The following PCLO variants were observed in gnomAD, a reference collection of about 807,000 sequenced individuals.
PCLO encodes the protein protein piccolo.
A neutral mutation model predicts 427.5 loss-of-function variants in PCLO; 82 were observed. The ratio of observed to expected loss-of-function variants is 0.19; its 90% CI spans 0.16 to 0.23. The LOEUF is 0.23. Ranked by LOEUF, PCLO falls within the 10% of genes least tolerant of loss-of-function variation. The pLI, the probability that PCLO is intolerant of heterozygous loss-of-function variation, is 1.00. For missense variants in PCLO, 6,239 were observed against 6,115.9 expected, an observed-to-expected ratio of 1.02 and a Z score of -0.67; for synonymous variants, 2,357 against 2,155.4, an observed-to-expected ratio of 1.09 and a Z score of -2.59.
Position 82,916,357 on chromosome 7 carries a change from G to C in PCLO, c.11629C>G (p.Gln3877Glu). The C allele has an allele frequency of 6.2e-7, 1 of 1,613,712 alleles. No homozygotes were observed. Among genetic ancestry groups the C allele is most frequent in the Non-Finnish European group, 8.5e-7 (1 of 1,179,744 alleles). ...FIPPQTQTESQLVPPTSPYTQ... is the reference protein window; with the variant it reads ...FIPPQTQTESELVPPTSPYTQ... ...TAAGGACTTGTCGGAGGAACTAGTT[G>C]AGATTCTGTTTGGGTTTGTGGTGGT... The change falls in exon 7 of 25, where the codon CAA becomes GAA. Residue 3877 changes from glutamine to glutamate, a missense_variant. By Grantham distance (29) the Gln-to-Glu change is conservative (BLOSUM62 2). This residue lies in a region of PCLO where 680 missense variants were observed against 677.3 expected (regional missense o/e 1.00). Coordinates refer to ENST00000333891, the MANE Select transcript of PCLO (RefSeq NM_033026.6).
chr7:82,971,783 T>A (rs1012486242), intron 3 of PCLO, among the ~76,000 whole-genome samples: 1 of 150,292 alleles, frequency 6.7e-6, no homozygotes, highest in South Asian at 2.1e-4. Context: ...ATCTCTATTG[T>A]ATTACTGAGT....
At chr7:83,061,665 A>G (rs62458601) in intron 3 of PCLO, among the ~76,000 whole-genome samples, 18,672 of 152,110 alleles carry the variant, frequency 0.12, 1,427 homozygotes, top group Middle Eastern at 0.26. Flanking sequence ...TAGTATAGGT[A>G]AGTTTATTTC....
chr7:82,907,618 T>C (rs950027593), intron 8 of PCLO, among the ~76,000 whole-genome samples: 2 of 152,012 alleles, frequency 1.3e-5, no homozygotes, highest in Non-Finnish European at 2.9e-5. Context: ...CAATACAGGC[T>C]GATATGTTTA....
chr7:82,769,746 A>G (rs1790609288), intron 22 of PCLO, among the ~76,000 whole-genome samples: 1 of 152,184 alleles, frequency 6.6e-6, no homozygotes, highest in African/African-American at 2.4e-5. Context: ...TAAATACCAC[A>G]TAGCAATGAT....
intron 7 of PCLO, among the ~76,000 whole-genome samples, chr7:82,913,255 C>G (rs182331565): frequency 1.3e-5 from 2 of 152,032 alleles, no homozygotes; most frequent in Admixed American, 1.3e-4. Flanking sequence ...AGCAGTTTGT[C>G]CTCCTTCAGA....
intron 9 of PCLO, among the ~76,000 whole-genome samples, chr7:82,898,068 G>T (rs1349438868): frequency 2.0e-5 from 3 of 151,472 alleles, no homozygotes; most frequent in Non-Finnish European, 4.4e-5. Flanking sequence ...AAATTCATGA[G>T]AAGGGGAATG....
intron 3 of PCLO, among the ~76,000 whole-genome samples, chr7:82,973,098 T>A (rs1795941424): frequency 6.6e-6 from 1 of 152,018 alleles, no homozygotes; most frequent in African/African-American, 2.4e-5. Context: ...TGACACATTC[T>A]TTTTCCAGAC....
chr7:82,807,172 A>G (rs1791473128), intron 20 of PCLO, among the ~76,000 whole-genome samples: 1 of 103,702 alleles, frequency 9.6e-6, no homozygotes, highest in Non-Finnish European at 2.0e-5. Context: ...TCTCTTCTCA[A>G]GGTATCCCCA....
chr7:82,971,729 T>C (rs1031900919), intron 3 of PCLO, among the ~76,000 whole-genome samples: 1 of 147,938 alleles, frequency 6.8e-6, no homozygotes, highest in African/African-American at 2.5e-5. Context: ...CCACAATTAC[T>C]TTTGTACCAA....
chr7:82,954,192 T>G lies in PCLO; in HGVS notation c.6761A>C (p.Asp2254Ala), dbSNP rs529909914. 3.0e-5 allele frequency: 48 copies of G among 1,613,372 alleles called. 2 individuals are homozygous for G. In the South Asian group the frequency reaches 3.3e-4, roughly 11 times the overall value. Reference sequence around the variant, plus strand: ...AATATGATCAGCACTAGCTCTACCATCTGGTGGGGCAGTCCGATCTAAAGA... The same window carrying G: ...AATATGATCAGCACTAGCTCTACCAGCTGGTGGGGCAGTCCGATCTAAAGA... The part of the protein sequence containing the change: ...SVSLDRTAPP[D>A]GRASADHIVI... Residue 2254 changes from aspartate (D) to alanine (A), a missense_variant, in exon 5 of 25, where the codon GAT becomes GCT. Physicochemically the swap from Asp to Ala is moderately radical, Grantham distance 126 (BLOSUM62 -2). Around this residue, in one of 5 missense-constraint regions of PCLO, gnomAD observed 4,677 missense variants for 4,468.4 expected, o/e 1.05. Coordinates refer to ENST00000333891, the MANE Select transcript of PCLO (RefSeq NM_033026.6).
chr7:82,861,511 T>A (rs1305661460), intron 10 of PCLO, among the ~76,000 whole-genome samples: 1 of 152,030 alleles, frequency 6.6e-6, no homozygotes, highest in Non-Finnish European at 1.5e-5. Flanking sequence ...GAAATATTGT[T>A]AGAGCTAAAG....
chr7:82,977,075 G>A (rs1276804983), intron 3 of PCLO, among the ~76,000 whole-genome samples: 4 of 151,846 alleles, frequency 2.6e-5, no homozygotes, highest in African/African-American at 4.8e-5. Context: ...AATTTTTAAA[G>A]GAGTGTATAT....
At chr7:82,837,553 A>G (rs1792260737) in intron 15 of PCLO, among the ~76,000 whole-genome samples, 1 of 152,010 alleles carries the variant, frequency 6.6e-6, no homozygotes, top group Non-Finnish European at 1.5e-5. Flanking sequence ...ATCCTTGAGT[A>G]CTGACTTATA....
At chr7:83,157,590 TTTC>T (rs1197048582) in intron 1 of PCLO, among the ~76,000 whole-genome samples, 1 of 151,450 alleles carries the variant, frequency 6.6e-6, no homozygotes, top group East Asian at 1.9e-4. Context: ...AAAATAGGAG[TTTC>T]TTATTTTTTA....
intron 3 of PCLO, among the ~76,000 whole-genome samples, chr7:83,046,359 G>A (rs73710116): frequency 0.011 from 1,646 of 152,044 alleles, 37 homozygotes; most frequent in African/African-American, 0.038. Context: ...TACACAACTT[G>A]TATTTATTCT....
At chr7:82,919,457 G>C (rs1245883033) in intron 6 of PCLO, among the ~76,000 whole-genome samples, 2 of 152,006 alleles carry the variant, frequency 1.3e-5, no homozygotes, top group East Asian at 3.9e-4. Context: ...GGTGAGATCT[G>C]TTTCATTCAA....
At chr7:82,858,694 A>G (rs1792872488) in intron 10 of PCLO, among the ~76,000 whole-genome samples, 1 of 152,182 alleles carries the variant, frequency 6.6e-6, no homozygotes, top group Non-Finnish European at 1.5e-5. Context: ...TATCTGAAAA[A>G]GAAATTTTGA....
At chr7:82,883,389 G>A (rs1793555422) in intron 9 of PCLO, among the ~76,000 whole-genome samples, 1 of 151,964 alleles carries the variant, frequency 6.6e-6, no homozygotes, top group South Asian at 2.1e-4. Context: ...ATACATAAAA[G>A]TGTTTAAGAA....
At chr7:82,967,994 T>TA (rs945715854) in intron 3 of PCLO, among the ~76,000 whole-genome samples, 10 of 152,326 alleles carry the variant, frequency 6.6e-5, no homozygotes, top group South Asian at 2.1e-4. Flanking sequence ...AGTATTTAGA[T>TA]AAAAAAATCA....
Sources: gnomAD v4.1 joint callset for allele counts (sites outside exome capture counted in the v4.1 genomes callset) on GRCh38, gnomAD v4.1.1 for gene constraint, gnomAD v4.1.1 regional missense constraint, MANE v1.5 for transcripts, NCBI Gene and HGNC (gene_info 2026-07-23, HGNC 2026-07-21) for gene names.